CMIP: variants seen among roughly 807,000 people sequenced by gnomAD.
CMIP encodes the protein C-Maf-inducing protein.
In CMIP, 13 loss-of-function variants were observed where a neutral mutation model predicts 97.3. The observed-to-expected ratio is 0.13, with a 90% CI of 0.09 to 0.21. The LOEUF (loss-of-function observed/expected upper bound fraction) is 0.21, where lower values mean the gene tolerates loss of function less well. Ranked by LOEUF, CMIP falls within the 10% of genes least tolerant of loss-of-function variation. The pLI is 1.00. For missense variants in CMIP, 847 were observed against 1,024.9 expected (o/e 0.83, Z 2.37); for synonymous variants, 538 against 436.3 (o/e 1.23, Z -2.91).
chr16:81,660,744 C>G, intron 5 of CMIP, 140 bp from the exon 6 acceptor site: 1 of 893,808 alleles, frequency 1.1e-6, no homozygotes. Context: ...TTTTTTTCTG[C>G]TTTTAATATG....
In CMIP at chr16:81,710,403, G is replaced by C. The variant is rs1428108962; in HGVS notation, c.*604G>C. ...CCCGCCTCTTATTTATGAAGTCTTT[G>C]ACCGTCCCCCCCGCCCGACCCCACC... is the stretch of plus-strand genomic sequence containing the variant. On this transcript the variant is annotated 3_prime_UTR_variant, in exon 21 of 21. Coordinates refer to ENST00000537098, the MANE Select transcript of CMIP (RefSeq NM_198390.3). 2 of 155,340 alleles carry C rather than the reference G, an allele frequency of 1.3e-5. No individual in the cohort carries two copies. Among genetic ancestry groups the C allele is most frequent in the Non-Finnish European group, 2.9e-5 (2 of 69,906 alleles). 9.6% of individuals were successfully genotyped at this position (155,340 alleles called of 1,614,324 possible).
chr16:81,540,657 T>A (rs1489890531), intron 1 of CMIP, among the ~76,000 whole-genome samples: 3 of 148,260 alleles, frequency 2.0e-5, no homozygotes, highest in Non-Finnish European at 4.5e-5. Flanking sequence ...TGTGTGTGTG[T>A]GTGTGTGTGT....
rs781590677 is a variant in CMIP, at chr16:81,614,361, C to G, written c.427-6515C>G. Among the ~76,000 whole-genome samples, 6 of 152,300 alleles carry G rather than the reference C, an allele frequency of 3.9e-5. No individual in the cohort carries two copies. Among genetic ancestry groups the G allele is most frequent in the Non-Finnish European group, 7.3e-5 (5 of 68,040 alleles). On this transcript the variant is annotated intron_variant, in intron 2 of 20. Transcript: ENST00000537098. This position sits in a 1 kb window ranked among gnomAD's most constrained non-coding sequence, Gnocchi z 5.3. Reference sequence around the variant, plus strand: ...TGGGCCAGTGGGGGAAGGGAGTGTGCCAAGCGGTGCACGGGTTCTCAGGGG... The same window carrying G: ...TGGGCCAGTGGGGGAAGGGAGTGTGGCAAGCGGTGCACGGGTTCTCAGGGG...
intron 1 of CMIP, among the ~76,000 whole-genome samples, chr16:81,593,797 T>TG (rs1227302806): frequency 6.6e-6 from 1 of 152,140 alleles, no homozygotes; most frequent in East Asian, 1.9e-4. Flanking sequence ...TTGAGGAGTC[T>TG]GGGGGAGGGG....
chr16:81,683,319 T>A (rs1036645795), intron 10 of CMIP, among the ~76,000 whole-genome samples: 1 of 152,160 alleles, frequency 6.6e-6, no homozygotes, highest in African/African-American at 2.4e-5. Context: ...CATTAGATTT[T>A]AAGAGGCCTT....
chr16:81,586,705 C>G (rs1276583973), intron 1 of CMIP, among the ~76,000 whole-genome samples: 3 of 152,196 alleles, frequency 2.0e-5, no homozygotes, highest in Admixed American at 6.5e-5. Context: ...AAGTATTCGT[C>G]CCACTTTCCC....
chr16:81,489,872 T>C (rs1173675871), intron 1 of CMIP, among the ~76,000 whole-genome samples: 5 of 152,244 alleles, frequency 3.3e-5, no homozygotes, highest in Non-Finnish European at 2.9e-5. Context: ...GTGCTAGGAA[T>C]TTGACCTTTT....
intron 10 of CMIP, among the ~76,000 whole-genome samples, chr16:81,680,077 G>A (rs1367692587): frequency 6.6e-6 from 1 of 152,198 alleles, no homozygotes; most frequent in African/African-American, 2.4e-5. Context: ...AGGGGTTCGG[G>A]GTATGGCTGT....
chr16:81,521,720 A>G (rs905307927), intron 1 of CMIP, among the ~76,000 whole-genome samples: 3 of 152,176 alleles, frequency 2.0e-5, no homozygotes, highest in Admixed American at 6.5e-5. Context: ...GGAGAAACCA[A>G]TTGGCTTTTG....
At chr16:81,623,391 C>T (rs1289198618) in intron 3 of CMIP, among the ~76,000 whole-genome samples, 1 of 152,172 alleles carries the variant, frequency 6.6e-6, no homozygotes, top group Non-Finnish European at 1.5e-5. Flanking sequence ...TTCAGAAAAC[C>T]TAAATCAGGA....
chr16:81,684,260 G>C (rs1905165449), intron 10 of CMIP, among the ~76,000 whole-genome samples: 2 of 152,242 alleles, frequency 1.3e-5, no homozygotes, highest in African/African-American at 4.8e-5. Context: ...TCTCAGCCTG[G>C]GTTCAAATCC....
intron 1 of CMIP, among the ~76,000 whole-genome samples, chr16:81,459,055 CATCACT>C (rs966095875): frequency 2.0e-4 from 28 of 142,362 alleles, no homozygotes; most frequent in African/African-American, 5.6e-4. Context: ...TCACCATCAC[CATCACT>C]GTCACCGTCA....
At chr16:81,477,402 C>A (rs117045375) in intron 1 of CMIP, among the ~76,000 whole-genome samples, 18 of 152,206 alleles carry the variant, frequency 1.2e-4, no homozygotes, top group African/African-American at 3.1e-4. Flanking sequence ...CTCAGTTGAT[C>A]TGCCTGCCTT....
At chr16:81,529,539 C>G (rs1452157254) in intron 1 of CMIP, among the ~76,000 whole-genome samples, 1 of 152,148 alleles carries the variant, frequency 6.6e-6, no homozygotes, top group East Asian at 1.9e-4. Context: ...TCCTACTCCC[C>G]AGAAATGGAA....
At chr16:81,558,849 C>T (rs1194229005) in intron 1 of CMIP, among the ~76,000 whole-genome samples, 2 of 152,212 alleles carry the variant, frequency 1.3e-5, no homozygotes, top group Admixed American at 6.5e-5. Flanking sequence ...GTTCCTCCCG[C>T]CTGCAGCCAT....
intron 14 of CMIP, among the ~76,000 whole-genome samples, chr16:81,698,795 A>G (rs1907058067): frequency 6.6e-6 from 1 of 152,164 alleles, no homozygotes; most frequent in South Asian, 2.1e-4. Flanking sequence ...CCTGGCAGCC[A>G]CTTTTCCTTT....
At chr16:81,638,022 C>G (rs1040538920) in intron 3 of CMIP, among the ~76,000 whole-genome samples, 3 of 151,892 alleles carry the variant, frequency 2.0e-5, no homozygotes, top group Non-Finnish European at 4.4e-5. Context: ...GCCCCACCTC[C>G]TAACACCCCC....
At chr16:81,500,147 C>G (rs1195346593) in intron 1 of CMIP, among the ~76,000 whole-genome samples, 1 of 152,146 alleles carries the variant, frequency 6.6e-6, no homozygotes, top group Non-Finnish European at 1.5e-5. Flanking sequence ...ACTTTTAGAG[C>G]TGGTGCGCAG....
chr16:81,703,955 G>A lies in CMIP; in HGVS notation c.1961G>A (p.Arg654His), dbSNP rs1907727630. Reference sequence around the variant, plus strand: ...TGCCCGCAGGACGCTGACTTGGCTCGTTTGCTGAGCTCCGGCTCCTTCGGA... The same window carrying A: ...TGCCCGCAGGACGCTGACTTGGCTCATTTGCTGAGCTCCGGCTCCTTCGGA... ...PSKSTDADLARLLSSGSFGNL... is the reference protein window; with the variant it reads ...PSKSTDADLAHLLSSGSFGNL... The change falls in exon 18 of 21, where the codon CGT becomes CAT. Residue 654 changes from arginine (R) to histidine (H), a missense_variant. Transcript: ENST00000537098. The A allele has an allele frequency of 6.3e-7, 1 of 1,595,548 alleles. No homozygotes were observed. The highest frequency in any genetic ancestry group is 8.5e-7 in the Non-Finnish European group (1 of 1,172,956).
Sources: gnomAD v4.1 joint callset for allele counts (sites outside exome capture counted in the v4.1 genomes callset) on GRCh38, gnomAD v4.1.1 for gene constraint, Gnocchi (gnomAD v3.1) non-coding constraint, MANE v1.5 for transcripts, NCBI Gene and HGNC (gene_info 2026-07-23, HGNC 2026-07-21) for gene names.